The following PLXNA4 variants were observed in gnomAD, a reference collection of about 807,000 sequenced individuals.
PLXNA4 encodes the protein plexin-A4.
PLXNA4 carries 44 observed loss-of-function variants against 191.8 expected under a neutral mutation model. The observed-to-expected ratio is 0.23, with a 90% CI of 0.18 to 0.29. The LOEUF is 0.29. Among genes scored for constraint, PLXNA4 ranks in the 10% least tolerant of loss-of-function variants. The probability of loss-of-function intolerance (pLI) is 1.00; values close to 1 mark genes in which losing one functional copy is unlikely to be tolerated. For synonymous variants in PLXNA4, 1,082 were observed against 1,009.5 expected (o/e 1.07, Z -1.36); for missense variants, 1,800 against 2,488.8 (o/e 0.72, Z 5.89).
chr7:132,223,195 T>C (rs1343873788), intron 9 of PLXNA4, among the ~76,000 whole-genome samples: 1 of 152,226 alleles, frequency 6.6e-6, no homozygotes, highest in African/African-American at 2.4e-5. Flanking sequence ...AGTCCTGCTG[T>C]GTACTTACAA....
In PLXNA4 at chr7:132,541,165, G is replaced by A. The variant is rs572399557; in HGVS notation, c.-86-32386C>T. 9.8e-5 allele frequency among the ~76,000 whole-genome samples: 15 copies of A among 152,294 alleles called. No individual in the cohort carries two copies. The South Asian group carries it at 3.1e-3, about 32-fold the overall frequency. ...TTTCCCGAAGCACTGGATGAAATGT[G>A]GCTTGGATGAAGTTGGCCATTTCCC... On this transcript the variant is annotated intron_variant, in intron 1 of 31. Coordinates refer to ENST00000321063, the MANE Select transcript of PLXNA4 (RefSeq NM_020911.2).
intron 5 of PLXNA4, among the ~76,000 whole-genome samples, chr7:132,238,819 G>C (rs563717807): frequency 1.3e-5 from 2 of 152,120 alleles, no homozygotes; most frequent in Admixed American, 6.5e-5. Context: ...ACAAGAGGGG[G>C]GGGGGCACCC....
chr7:132,310,591 A>G (rs1405457824), intron 3 of PLXNA4, among the ~76,000 whole-genome samples: 2 of 152,194 alleles, frequency 1.3e-5, no homozygotes, highest in Non-Finnish European at 1.5e-5. Flanking sequence ...GGGCACCCGC[A>G]GCAGCCAGCC....
chr7:132,174,660 G>A, intron 21 of PLXNA4, 118 bp downstream of exon 21: 1 of 1,476,254 alleles, frequency 6.8e-7, no homozygotes, highest in Non-Finnish European at 9.1e-7. Context: ...GGGGGACCTT[G>A]GGCAAGTTGT....
intron 3 of PLXNA4, among the ~76,000 whole-genome samples, chr7:132,317,155 G>GAATTA (rs748272189): frequency 6.6e-6 from 1 of 152,126 alleles, no homozygotes; most frequent in African/African-American, 2.4e-5. Context: ...GAATTGAATT[G>GAATTA]GGCTGGGTTC....
chr7:132,518,256 G>C (rs1031003223), intron 1 of PLXNA4, among the ~76,000 whole-genome samples: 1 of 152,106 alleles, frequency 6.6e-6, no homozygotes, highest in Non-Finnish European at 1.5e-5. Context: ...AAGAGCCAGA[G>C]GGTAGGGTTG....
intron 2 of PLXNA4, among the ~76,000 whole-genome samples, chr7:132,630,444 C>T (rs1484712365): frequency 6.6e-6 from 1 of 152,218 alleles, no homozygotes. Context: ...AGTCATTTAT[C>T]ATGTGCCCCG....
intron 1 of PLXNA4, among the ~76,000 whole-genome samples, chr7:132,564,124 TTTCTC>T (rs1172968363): frequency 7.0e-5 from 6 of 85,160 alleles, no homozygotes; most frequent in African/African-American, 2.9e-4. Context: ...CCTCCTCTTC[TTTCTC>T]CTCCTCCTTC....
chr7:132,506,506 T>C (rs1798470654), intron 2 of PLXNA4, among the ~76,000 whole-genome samples: 1 of 152,158 alleles, frequency 6.6e-6, no homozygotes, highest in East Asian at 1.9e-4. Flanking sequence ...AATGCACAGT[T>C]ATAAAAGGAA....
chr7:132,404,857 A>G (rs908042501), intron 3 of PLXNA4, among the ~76,000 whole-genome samples: 3 of 152,104 alleles, frequency 2.0e-5, no homozygotes, highest in African/African-American at 7.2e-5. Flanking sequence ...CAGAAGGTAT[A>G]GAGGGTGGAA....
At chr7:132,618,878 C>A (rs968840314) in intron 2 of PLXNA4, among the ~76,000 whole-genome samples, 18 of 152,080 alleles carry the variant, frequency 1.2e-4, no homozygotes, top group African/African-American at 4.1e-4. Context: ...AAAGTGATTT[C>A]TGGTAGCCTG....
chr7:132,469,585 C>A (rs763843247), intron 3 of PLXNA4, among the ~76,000 whole-genome samples: 7 of 152,218 alleles, frequency 4.6e-5, no homozygotes, highest in Admixed American at 1.3e-4. Flanking sequence ...TGAAACAGGG[C>A]TCCATTTGGA....
At position 132,620,594 on chromosome 7, in the gene PLXNA4, G is replaced by C. The variant is rs369367248; in HGVS notation, c.-87+25334C>G. 1.3e-3 allele frequency among the ~76,000 whole-genome samples: 200 copies of C among 152,230 alleles called. 3 individuals carry two copies. In the South Asian group the frequency reaches 0.039, roughly 30 times the overall value. ...CATTGCCCTGGTTTATAACCTTCCA[G>C]ACTCTTCCCTGTGCTTTGACATACA... On this transcript the variant is annotated intron_variant, in intron 2 of 4. Coordinates refer to the PLXNA4 transcript ENST00000378539.
At chr7:132,260,481 A>G in intron 4 of PLXNA4, among the ~76,000 whole-genome samples, 1 of 152,146 alleles carries the variant, frequency 6.6e-6, no homozygotes, top group Non-Finnish European at 1.5e-5. Context: ...ACATAAAGAT[A>G]AAGACGGGAA....
intron 3 of PLXNA4, among the ~76,000 whole-genome samples, chr7:132,344,099 G>A (rs1803146303): frequency 6.6e-6 from 1 of 152,056 alleles, no homozygotes; most frequent in South Asian, 2.1e-4. Flanking sequence ...GATGACACCA[G>A]TGCAGTTGTT....
chr7:132,477,726 G>A (rs542074764), intron 3 of PLXNA4, among the ~76,000 whole-genome samples: 6 of 152,092 alleles, frequency 3.9e-5, no homozygotes, highest in African/African-American at 9.7e-5. Flanking sequence ...TTGGAAGAAG[G>A]TATAAACACA....
chr7:132,270,103 T>C (rs1433101726), intron 4 of PLXNA4, among the ~76,000 whole-genome samples: 1 of 152,190 alleles, frequency 6.6e-6, no homozygotes, highest in Non-Finnish European at 1.5e-5. Flanking sequence ...GAGACATGTA[T>C]ATATGAAGAA....
intron 3 of PLXNA4, among the ~76,000 whole-genome samples, chr7:132,365,350 T>TGCGCGCGC (rs1459547865): frequency 1.2e-4 from 12 of 101,948 alleles, no homozygotes; most frequent in Middle Eastern, 4.2e-3. Flanking sequence ...TGTGTGTGTG[T>TGCGCGCGC]GTGTGTGTGT....
At chr7:132,333,866 A>G (rs1372848134) in intron 3 of PLXNA4, among the ~76,000 whole-genome samples, 1 of 152,172 alleles carries the variant, frequency 6.6e-6, no homozygotes, top group East Asian at 1.9e-4. Flanking sequence ...ACTCATTCCA[A>G]CCACCAGCCC....
Sources: gnomAD v4.1 joint callset for allele counts (sites outside exome capture counted in the v4.1 genomes callset) on GRCh38, gnomAD v4.1.1 for gene constraint, MANE v1.5 for transcripts, NCBI Gene and HGNC (gene_info 2026-07-23, HGNC 2026-07-21) for gene names.